Variants in GSAP observed in about 807,000 individuals in gnomAD.
The protein encoded by GSAP is gamma-secretase activating protein.
Under a neutral mutation model 131.7 loss-of-function variants are expected in GSAP, and 118 were observed. The observed-to-expected ratio is 0.90, with a 90% CI of 0.77 to 1.04. GSAP has a LOEUF of 1.04. Among genes scored for constraint, GSAP ranks in the 50% least tolerant of loss-of-function variants. The pLI is 0.00. For synonymous variants in GSAP, 381 were observed against 363.4 expected (o/e 1.05, Z -0.55); for missense variants, 1,019 against 1,013.2 (o/e 1.01, Z -0.08).
At chr7:77,376,637 C>T (rs1230456455) in intron 10 of GSAP, among the ~76,000 whole-genome samples, 1 of 151,864 alleles carries the variant, frequency 6.6e-6, no homozygotes, top group Non-Finnish European at 1.5e-5. Context: ...ATTATCTGGT[C>T]GTGGTGGCGG....
intron 8 of GSAP, chr7:77,380,042 T>A: frequency 2.6e-6 from 1 of 390,990 alleles, no homozygotes; most frequent in Non-Finnish European, 3.5e-6. Flanking sequence ...AATAACATAT[T>A]AAGATCCTAT....
intron 2 of GSAP, among the ~76,000 whole-genome samples, chr7:77,405,687 G>A (rs976025808): frequency 1.2e-4 from 18 of 152,118 alleles, no homozygotes; most frequent in African/African-American, 2.7e-4. Context: ...ACAGGTGTGC[G>A]CCACAACACC....
rs186436716 is a variant in GSAP, at chr7:77,329,639, T to C, written c.1675-248A>G. 2.7e-5 allele frequency: 7 copies of C among 259,084 alleles called. No individual in the cohort carries two copies. In the East Asian group the frequency reaches 4.4e-4, roughly 16 times the overall value. 16.0% of individuals were successfully genotyped at this position (259,084 alleles called of 1,614,324 possible). Reference sequence around the variant, plus strand: ...AACACTAATCTACATGCAGCGATACTAGAGAGAGATGCAATGTACCCTCCA... The same window carrying C: ...AACACTAATCTACATGCAGCGATACCAGAGAGAGATGCAATGTACCCTCCA... On this transcript the variant is annotated intron_variant, in intron 20 of 30. Transcript: ENST00000257626.
At chr7:77,391,057 G>A (rs547234602) in intron 5 of GSAP, among the ~76,000 whole-genome samples, 70 of 130,572 alleles carry the variant, frequency 5.4e-4, no homozygotes, top group Non-Finnish European at 8.2e-4. Context: ...AACCCAGGAA[G>A]CAGAGGTTGC....
At chr7:77,390,550 C>T (rs1799304806) in intron 5 of GSAP, among the ~76,000 whole-genome samples, 1 of 151,900 alleles carries the variant, frequency 6.6e-6, no homozygotes, top group African/African-American at 2.4e-5. Context: ...GAATCCTTTA[C>T]CCATTTCTTC....
At chr7:77,364,882 T>C (rs1409213158) in intron 12 of GSAP, among the ~76,000 whole-genome samples, 1 of 152,172 alleles carries the variant, frequency 6.6e-6, no homozygotes, top group East Asian at 1.9e-4. Context: ...ACAATGGAAA[T>C]GTTATATACC....
At chr7:77,326,191 A>G (rs765378831) in intron 23 of GSAP, 21 bp downstream of exon 23, 6 of 1,576,092 alleles carry the variant, frequency 3.8e-6, no homozygotes, top group Non-Finnish European at 5.2e-6. Context: ...CCAGCCCCTA[A>G]AGAACCCACG....
At chr7:77,333,763 C>T (rs1789524177) in intron 19 of GSAP, among the ~76,000 whole-genome samples, 1 of 152,086 alleles carries the variant, frequency 6.6e-6, no homozygotes, top group South Asian at 2.1e-4. Flanking sequence ...TGCTCATTAT[C>T]CCAGAGAATA....
chr7:77,334,919 C>T (rs1349905652), intron 19 of GSAP, among the ~76,000 whole-genome samples: 1 of 151,614 alleles, frequency 6.6e-6, no homozygotes, highest in African/African-American at 2.4e-5. Flanking sequence ...CCCGTCTCTA[C>T]TAAAAATACA....
At chr7:77,337,304 G>T (rs1193607132) in intron 19 of GSAP, among the ~76,000 whole-genome samples, 1 of 146,992 alleles carries the variant, frequency 6.8e-6, no homozygotes, top group Non-Finnish European at 1.5e-5. Flanking sequence ...GGTGGGGTGG[G>T]GGGGGGGTTA....
chr7:77,395,370 A>G (rs1800196122), intron 5 of GSAP, among the ~76,000 whole-genome samples: 2 of 152,224 alleles, frequency 1.3e-5, no homozygotes, highest in East Asian at 3.9e-4. Context: ...TATTAGCCCA[A>G]AGGTCACAGC....
chr7:77,378,446 T>G (rs1179809620), intron 8 of GSAP, among the ~76,000 whole-genome samples: 1 of 151,148 alleles, frequency 6.6e-6, no homozygotes, highest in Non-Finnish European at 1.5e-5. Context: ...ATCCCACCAC[T>G]GCACTCCAGC....
chr7:77,374,271 A>T (rs1262527462), intron 11 of GSAP, 116 bp from the exon 12 acceptor site: 1 of 577,734 alleles, frequency 1.7e-6, no homozygotes, highest in African/African-American at 1.9e-5. Flanking sequence ...ATTCCTGAGA[A>T]ATTTAAGTAG....
At chr7:77,406,873 T>A (rs1173960833) in intron 1 of GSAP, among the ~76,000 whole-genome samples, 5 of 152,110 alleles carry the variant, frequency 3.3e-5, no homozygotes, top group Admixed American at 2.0e-4. Context: ...GAAAAAACAG[T>A]CTTCGAAGCT....
intron 5 of GSAP, among the ~76,000 whole-genome samples, chr7:77,394,376 G>T (rs1044176026): frequency 2.6e-5 from 4 of 152,118 alleles, no homozygotes; most frequent in Non-Finnish European, 5.9e-5. Context: ...TGTTTGATCT[G>T]CCAGAAATGT....
rs1798267394 is a variant in GSAP, at chr7:77,384,543, A to G, written c.457-1900T>C. Among the ~76,000 whole-genome samples the G allele has an allele frequency of 2.6e-5, 4 of 152,098 alleles. No homozygotes were observed. The South Asian group carries it at 6.2e-4, about 24-fold the overall frequency. On this transcript the variant is annotated intron_variant, in intron 6 of 30. Transcript: ENST00000257626. ...TCTTCACAAATATGGAGCTAGACTT[A>G]GAATGAATATTGGTCTTTGGAGGTC...
chr7:77,403,258 T>C (rs1801678388), intron 3 of GSAP, among the ~76,000 whole-genome samples: 1 of 152,168 alleles, frequency 6.6e-6, no homozygotes, highest in South Asian at 2.1e-4. Context: ...CATCACTGTG[T>C]CTCCAGCACC....
At chr7:77,337,604 C>A (rs1790222431) in intron 19 of GSAP, among the ~76,000 whole-genome samples, 1 of 152,190 alleles carries the variant, frequency 6.6e-6, no homozygotes, top group Admixed American at 6.5e-5. Context: ...AACACCCTCA[C>A]ATCTGAGTGG....
intron 12 of GSAP, among the ~76,000 whole-genome samples, chr7:77,363,398 A>T (rs185860668): frequency 1.3e-3 from 199 of 152,348 alleles, no homozygotes; most frequent in Non-Finnish European, 2.4e-3. Flanking sequence ...ATGCTTAAAC[A>T]GGTATGTCTA....
Sources: allele counts gnomAD v4.1 joint callset (sites outside exome capture counted in the v4.1 genomes callset), GRCh38; gene constraint gnomAD v4.1.1; transcripts MANE v1.5; gene names NCBI Gene and HGNC (gene_info 2026-07-23, HGNC 2026-07-21).